Variants in CELF2 observed in about 807,000 individuals in gnomAD.
CELF2 encodes CUG triplet repeat RNA-binding protein 2.
CELF2 carries 8 observed loss-of-function variants against 62.6 expected under a neutral mutation model. The observed-to-expected ratio is 0.13, with a 90% CI of 0.07 to 0.23. The LOEUF is 0.23. Among genes scored for constraint, CELF2 ranks in the 10% least tolerant of loss-of-function variants. The probability of loss-of-function intolerance (pLI) is 1.00; values close to 1 mark genes in which losing one functional copy is unlikely to be tolerated. For missense variants in CELF2, 333 were observed against 671.0 expected, an observed-to-expected ratio of 0.50 and a Z score of 5.56; for synonymous variants, 258 against 250.0, an observed-to-expected ratio of 1.03 and a Z score of -0.30.
At chr10:10,570,454 A>T in the CELF2 span, among the ~76,000 whole-genome samples, 2 of 152,182 alleles carry the variant, frequency 1.3e-5, no homozygotes, top group Non-Finnish European at 2.9e-5. Flanking sequence ...AGGTGAAAGG[A>T]ATTTTATATA....
At chr10:10,742,971 T>C in the CELF2 span, among the ~76,000 whole-genome samples, 6 of 152,266 alleles carry the variant, frequency 3.9e-5, no homozygotes, top group African/African-American at 1.2e-4. Context: ...TAGGCATTTC[T>C]GTCTTTGCTT....
At position 11,224,413 on chromosome 10, in the gene CELF2, GA is replaced by G. The variant is rs751768692; in HGVS notation, c.354+6907del. Among the ~76,000 whole-genome samples, 3 of 152,174 alleles carry G rather than the reference GA, an allele frequency of 2.0e-5. No individual in the cohort carries two copies. Among genetic ancestry groups the G allele is most frequent in the Admixed American group, 6.5e-5 (1 of 15,274 alleles). On this transcript the variant is annotated intron_variant, in intron 3 of 12. Transcript: ENST00000633077. The surrounding 1 kb of genome is among the most constrained non-coding windows in gnomAD (Gnocchi z 4.5). ...AAAATGAAGCCATAGTTAGATTTCA[GA>G]GATAATCATTTCTCTACGACAGCCC...
intron 8 of CELF2, 49 bp from the exon 9 acceptor site, chr10:11,288,369 T>G (rs951349765): frequency 1.2e-6 from 2 of 1,605,318 alleles, no homozygotes; most frequent in African/African-American, 2.7e-5. Flanking sequence ...TTGGAAACTG[T>G]AGAAGTGTGA....
chr10:10,756,319 T>G, the CELF2 span, among the ~76,000 whole-genome samples: 10 of 152,248 alleles, frequency 6.6e-5, no homozygotes, highest in Non-Finnish European at 1.0e-4. Flanking sequence ...TCTTGCTGAT[T>G]ATTAAAAGTA....
At chr10:11,129,603 T>A (rs2059301050) in intron 1 of CELF2, among the ~76,000 whole-genome samples, 1 of 152,134 alleles carries the variant, frequency 6.6e-6, no homozygotes, top group Non-Finnish European at 1.5e-5. Flanking sequence ...GGTTTAGTCT[T>A]GGGAGGGTGT....
At chr10:10,743,745 C>G in the CELF2 span, among the ~76,000 whole-genome samples, 1 of 152,184 alleles carries the variant, frequency 6.6e-6, no homozygotes, top group African/African-American at 2.4e-5. Flanking sequence ...GAATATCACA[C>G]AGCAAGGATG....
chr10:10,643,767 A>C, the CELF2 span, among the ~76,000 whole-genome samples: 1 of 152,224 alleles, frequency 6.6e-6, no homozygotes, highest in Non-Finnish European at 1.5e-5. Flanking sequence ...TCAACCTGAA[A>C]GTGAACATCA....
At chr10:10,820,995 A>G (rs554265961) in intron 1 of CELF2, among the ~76,000 whole-genome samples, 98 of 152,328 alleles carry the variant, frequency 6.4e-4, no homozygotes, top group African/African-American at 2.2e-3. Context: ...GACAAGAGCA[A>G]TGAGGCTAGA....
At chr10:10,643,661 GA>G in the CELF2 span, among the ~76,000 whole-genome samples, 1 of 152,158 alleles carries the variant, frequency 6.6e-6, no homozygotes, top group Non-Finnish European at 1.5e-5. Flanking sequence ...ATTTATAATG[GA>G]GGTTATAAAA....
Position 11,302,601 on chromosome 10 carries a change from C to G in CELF2, c.977-11538C>G, listed in dbSNP as rs1330092898. ...CCTGGGCCAAAGGGACTTGACACCA[C>G]ACAACTGTGGTCTTTTTCTTGGTGA... On this transcript the variant is annotated intron_variant, in intron 9 of 12. Coordinates refer to ENST00000633077, the MANE Select transcript of CELF2 (RefSeq NM_001326342.2). The surrounding 1 kb of genome is among the most constrained non-coding windows in gnomAD (Gnocchi z 5.0). Among the ~76,000 whole-genome samples the G allele has an allele frequency of 2.6e-5, 4 of 152,210 alleles. No individual in the cohort carries two copies. Among genetic ancestry groups the G allele is most frequent in the Admixed American group, 6.5e-5 (1 of 15,288 alleles).
chr10:10,885,342 A>G (rs2061687191), intron 1 of CELF2, among the ~76,000 whole-genome samples: 1 of 152,004 alleles, frequency 6.6e-6, no homozygotes, highest in Admixed American at 6.6e-5. Flanking sequence ...GCTTTCTAGA[A>G]GAAAAGTTAT....
intron 1 of CELF2, among the ~76,000 whole-genome samples, chr10:10,832,072 A>G (rs904649045): frequency 2.8e-4 from 42 of 151,930 alleles, no homozygotes; most frequent in Non-Finnish European, 3.8e-4. Context: ...GTTCGAGACT[A>G]TCCTGGCCAA....
chr10:11,137,226 T>C (rs1253422205), intron 1 of CELF2, among the ~76,000 whole-genome samples: 1 of 152,246 alleles, frequency 6.6e-6, no homozygotes, highest in Non-Finnish European at 1.5e-5. Context: ...AGGTTGGCTT[T>C]CTAAAGTAGA....
intron 1 of CELF2, among the ~76,000 whole-genome samples, chr10:11,063,928 T>C (rs1370844022): frequency 6.6e-6 from 1 of 152,216 alleles, no homozygotes; most frequent in East Asian, 1.9e-4. Context: ...GCGTTCTGCA[T>C]GGATAATCTG....
chr10:10,738,184 G>T, the CELF2 span, among the ~76,000 whole-genome samples: 1 of 152,208 alleles, frequency 6.6e-6, no homozygotes, highest in Non-Finnish European at 1.5e-5. Context: ...AGTGGTTTGT[G>T]AAGAGATAGA....
At chr10:10,935,606 G>C (rs1824247885) in intron 2 of CELF2, among the ~76,000 whole-genome samples, 1 of 152,150 alleles carries the variant, frequency 6.6e-6, no homozygotes, top group South Asian at 2.1e-4. Flanking sequence ...GGATGCCTGG[G>C]AAGTTAACAA....
chr10:10,750,878 T>C, the CELF2 span, among the ~76,000 whole-genome samples: 1 of 152,198 alleles, frequency 6.6e-6, no homozygotes, highest in Non-Finnish European at 1.5e-5. Context: ...TGGGTGCAGA[T>C]TGAGGTCCCT....
intron 2 of CELF2, among the ~76,000 whole-genome samples, chr10:10,982,809 T>G (rs1042442607): frequency 6.6e-6 from 1 of 152,240 alleles, no homozygotes; most frequent in African/African-American, 2.4e-5. Context: ...TTGCCCATTC[T>G]TGCCCATAAC....
intron 1 of CELF2, among the ~76,000 whole-genome samples, chr10:10,802,158 C>T (rs1356006118): frequency 6.6e-6 from 1 of 152,144 alleles, no homozygotes; most frequent in African/African-American, 2.4e-5. Context: ...AAAGTTGACA[C>T]TGTATTAGAC....
Sources: gnomAD v4.1 joint callset for allele counts (sites outside exome capture counted in the v4.1 genomes callset) on GRCh38, gnomAD v4.1.1 for gene constraint, Gnocchi (gnomAD v3.1) non-coding constraint, MANE v1.5 for transcripts, NCBI Gene and HGNC (gene_info 2026-07-23, HGNC 2026-07-21) for gene names.